Variants in NETO1 observed in about 807,000 individuals in gnomAD.
NETO1 encodes neuropilin and tolloid like 1.
In NETO1, 26 loss-of-function variants were observed where a neutral mutation model predicts 61.3. That is an observed-to-expected ratio of 0.42 (90% CI 0.31 to 0.59). The LOEUF is 0.59. NETO1 is among the 20% of genes least tolerant of loss of function. The pLI, the probability that NETO1 is intolerant of heterozygous loss-of-function variation, is 0.12. For missense variants in NETO1, 531 were observed against 662.8 expected, an observed-to-expected ratio of 0.80 and a Z score of 2.18; for synonymous variants, 225 against 225.8, an observed-to-expected ratio of 1.00 and a Z score of 0.03.
chr18:72,763,583 CCACACACACACT>C (rs1394823508), intron 7 of NETO1, among the ~76,000 whole-genome samples: 2 of 138,794 alleles, frequency 1.4e-5, no homozygotes, highest in Non-Finnish European at 3.3e-5. Context: ...AACTCATACA[CCACACACACACT>C]CACAAACACA....
At chr18:72,759,413 T>G (rs1395538889) in intron 7 of NETO1, among the ~76,000 whole-genome samples, 1 of 152,234 alleles carries the variant, frequency 6.6e-6, no homozygotes, top group Non-Finnish European at 1.5e-5. Context: ...GTGACTATGC[T>G]TTTTTAAAAA....
intron 3 of NETO1, among the ~76,000 whole-genome samples, chr18:72,864,164 C>CA (rs553879639): frequency 1.0e-3 from 145 of 140,888 alleles, no homozygotes; most frequent in Middle Eastern, 3.7e-3. Flanking sequence ...CGCTTTGTCT[C>CA]AAAAAAAAAA....
chr18:72,859,929 CA>C (rs35328297), intron 3 of NETO1, among the ~76,000 whole-genome samples: 2 of 148,628 alleles, frequency 1.3e-5, no homozygotes, highest in African/African-American at 2.5e-5. Flanking sequence ...CGAAAATTTC[CA>C]AAAAAAAAAA....
chr18:72,844,710 G>A (rs1041706996), intron 4 of NETO1, among the ~76,000 whole-genome samples: 12 of 151,610 alleles, frequency 7.9e-5, no homozygotes, highest in African/African-American at 2.9e-4. Context: ...TTAAGCATCA[G>A]TTGTGGCTAA....
chr18:72,791,154 G>A lies in NETO1; in HGVS notation c.639+2963C>T, dbSNP rs117326466. Among the ~76,000 whole-genome samples, 168 of 152,226 alleles carry A rather than the reference G, an allele frequency of 1.1e-3. 3 individuals are homozygous for A. The East Asian group carries it at 0.028, about 25-fold the overall frequency. On this transcript the variant is annotated intron_variant, in intron 6 of 10. Transcript: ENST00000327305. Reference sequence around the variant, plus strand: ...CTAGATTAATCACATTCTAATTAAAGGGGACCATCTAGATTAATATTCTGT... The same window carrying A: ...CTAGATTAATCACATTCTAATTAAAAGGGACCATCTAGATTAATATTCTGT...
intron 7 of NETO1, among the ~76,000 whole-genome samples, chr18:72,783,400 A>G (rs2071806775): frequency 6.6e-6 from 1 of 152,230 alleles, no homozygotes; most frequent in South Asian, 2.1e-4. Context: ...TAAGAGCTAA[A>G]TTGAAGACAG....
intron 4 of NETO1, among the ~76,000 whole-genome samples, chr18:72,815,798 T>C (rs964401070): frequency 2.0e-5 from 3 of 152,128 alleles, no homozygotes; most frequent in Admixed American, 6.5e-5. Context: ...CTATCAGTTG[T>C]GGCTGGGAGA....
rs144597614 is a variant in NETO1, at chr18:72,760,834, C to T, written c.869-4687G>A. 4.6e-5 allele frequency among the ~76,000 whole-genome samples: 7 copies of T among 152,206 alleles called. No homozygotes were observed. The East Asian group carries it at 7.7e-4, about 17-fold the overall frequency. On this transcript the variant is annotated intron_variant, in intron 7 of 10. Coordinates refer to ENST00000327305, the MANE Select transcript of NETO1 (RefSeq NM_138966.5). ...ATGCCTGATTTTCCAACGTGAGTTA[C>T]GTGATCTTGAGCAAATTCACTAACT...
chr18:72,767,717 A>C (rs1358948918), intron 7 of NETO1, among the ~76,000 whole-genome samples: 1 of 152,040 alleles, frequency 6.6e-6, no homozygotes, highest in Non-Finnish European at 1.5e-5. Context: ...AAAAGCTTTA[A>C]AAAAAACAGG....
intron 4 of NETO1, among the ~76,000 whole-genome samples, chr18:72,831,767 T>C (rs1423355877): frequency 6.6e-6 from 1 of 152,256 alleles, no homozygotes; most frequent in African/African-American, 2.4e-5. Flanking sequence ...CTCATTACGT[T>C]TCTGTGCAAA....
chr18:72,775,212 C>T (rs2071506542), intron 7 of NETO1, among the ~76,000 whole-genome samples: 3 of 152,188 alleles, frequency 2.0e-5, no homozygotes, highest in African/African-American at 7.2e-5. Context: ...TTACCCTTTT[C>T]AGTGCCCTTA....
chr18:72,779,971 C>T (rs2071682945), intron 7 of NETO1, among the ~76,000 whole-genome samples: 1 of 152,164 alleles, frequency 6.6e-6, no homozygotes, highest in African/African-American at 2.4e-5. Context: ...AAGGGCAAGG[C>T]TGCTCTCTGG....
intron 8 of NETO1, among the ~76,000 whole-genome samples, chr18:72,753,796 T>C (rs2070701595): frequency 6.6e-6 from 1 of 152,134 alleles, no homozygotes; most frequent in Non-Finnish European, 1.5e-5. Context: ...GGTGACAATA[T>C]AGTATAAACA....
In NETO1 at chr18:72,797,173, T is replaced by A. The variant is rs186426642; in HGVS notation, c.470-2769A>T. Among the ~76,000 whole-genome samples, 5 of 152,316 alleles carry A rather than the reference T, an allele frequency of 3.3e-5. No homozygotes were observed. The East Asian group carries it at 9.6e-4, about 29-fold the overall frequency. Reference sequence around the variant, plus strand: ...ATTATCTCCTTCTTGATTAGAAGGTTTCAGCCTTATGTGCCTGTTTCTACA... The same window carrying A: ...ATTATCTCCTTCTTGATTAGAAGGTATCAGCCTTATGTGCCTGTTTCTACA... On this transcript the variant is annotated intron_variant, in intron 4 of 10. Coordinates refer to ENST00000327305, the MANE Select transcript of NETO1 (RefSeq NM_138966.5).
chr18:72,867,181 G>T, intron 1 of NETO1, 83 bp downstream of exon 1: 1 of 1,095,848 alleles, frequency 9.1e-7, no homozygotes, highest in Non-Finnish European at 1.3e-6. Flanking sequence ...CGGCGCAGAG[G>T]CTTTTCCTGC....
chr18:72,793,124 T>A (rs1473830433), intron 6 of NETO1, among the ~76,000 whole-genome samples: 3 of 152,204 alleles, frequency 2.0e-5, no homozygotes, highest in African/African-American at 7.2e-5. Context: ...CCTGGCCTGC[T>A]TTTTCGTGTA....
rs576198971 is a variant in NETO1, at chr18:72,773,080, C to G, written c.868+10598G>C. Among the ~76,000 whole-genome samples the G allele has an allele frequency of 1.3e-4, 20 of 151,908 alleles. 1 individual carries two copies. In the South Asian group the frequency reaches 4.0e-3, roughly 30 times the overall value. ...TTCTGTTTCCCACCTACCTGCAGAA[C>G]ACAATTGTGCTAGGCTTTCTGCTAT... is the stretch of plus-strand genomic sequence containing the variant. On this transcript the variant is annotated intron_variant, in intron 7 of 10. Coordinates refer to ENST00000327305, the MANE Select transcript of NETO1 (RefSeq NM_138966.5).
chr18:72,834,487 T>C, intron 4 of NETO1: 1 of 976,870 alleles, frequency 1.0e-6, no homozygotes, highest in Non-Finnish European at 1.2e-6. Context: ...TTAAATTATG[T>C]GACACTTAAG....
rs148484567 is a variant in NETO1, at chr18:72,807,844, T to C, written c.470-13440A>G. Among the ~76,000 whole-genome samples, 240 of 152,232 alleles carry C rather than the reference T, an allele frequency of 1.6e-3. 3 individuals are homozygous for C. The highest frequency in any genetic ancestry group is 6.8e-3 in the Middle Eastern group (2 of 294). On this transcript the variant is annotated intron_variant, in intron 4 of 10. Transcript: ENST00000327305. ...TTCTTGTTGTTGTTGTATGTTGCTG[T>C]TGCTGTTGTTGTTTCTGTCCAAGGG...
Sources: gnomAD v4.1 joint callset for allele counts (sites outside exome capture counted in the v4.1 genomes callset) on GRCh38, gnomAD v4.1.1 for gene constraint, MANE v1.5 for transcripts, NCBI Gene and HGNC (gene_info 2026-07-23, HGNC 2026-07-21) for gene names.